The following PBX4 variants were observed in gnomAD, a reference collection of about 807,000 sequenced individuals.
PBX4 encodes PBX homeobox 4, also known as pre-B-cell leukemia transcription factor 4.
A neutral mutation model predicts 35.1 loss-of-function variants in PBX4; 26 were observed. The observed-to-expected ratio is 0.74, with a 90% CI of 0.54 to 1.03. PBX4 has a LOEUF of 1.03. Ranked by LOEUF, PBX4 falls within the 50% of genes least tolerant of loss-of-function variation. PBX4 has a pLI of 0.00. For synonymous variants in PBX4, 199 were observed against 204.2 expected, an observed-to-expected ratio of 0.97 and a Z score of 0.22; for missense variants, 448 against 504.3, an observed-to-expected ratio of 0.89 and a Z score of 1.07.
intron 2 of PBX4, among the ~76,000 whole-genome samples, chr19:19,590,804 G>C (rs1171280707): frequency 1.3e-5 from 2 of 151,914 alleles, no homozygotes; most frequent in Non-Finnish European, 2.9e-5. Context: ...TGGACATCAG[G>C]TTGTTTTCAG....
chr19:19,570,237 A>G lies in PBX4; in HGVS notation c.504T>C (p.Pro168=), dbSNP rs8108088. Reference sequence around the variant, plus strand: ...TGCGCTCAATCTCCTTAGGGGAGACAGGCCTCATCCTGCTCTGCTCCTGGA... The same window carrying G: ...TGCGCTCAATCTCCTTAGGGGAGACGGGCCTCATCCTGCTCTGCTCCTGGA... The part of the protein sequence containing the change: ...NLLQEQSRMR[P]VSPKEIERMV... Residue 168 remains proline (P), a synonymous_variant, in exon 4 of 8, where the codon CCT becomes CCC. Coordinates refer to ENST00000251203, the MANE Select transcript of PBX4 (RefSeq NM_025245.3). 27 of 1,613,874 alleles carry G rather than the reference A, an allele frequency of 1.7e-5. No homozygotes were observed. The highest frequency in any genetic ancestry group is 2.1e-5 in the Non-Finnish European group (25 of 1,179,948).
intron 1 of PBX4, among the ~76,000 whole-genome samples, chr19:19,607,178 C>G (rs2061636601): frequency 1.3e-5 from 2 of 152,030 alleles, no homozygotes; most frequent in African/African-American, 4.8e-5. Flanking sequence ...CTCAGCCTCC[C>G]AAGTAGCTGG....
At chr19:19,592,264 G>C (rs1770915568) in intron 2 of PBX4, among the ~76,000 whole-genome samples, 1 of 152,192 alleles carries the variant, frequency 6.6e-6, no homozygotes, top group African/African-American at 2.4e-5. Flanking sequence ...ACTGTGGCCC[G>C]TATCTGGTTC....
In PBX4 at chr19:19,569,518, C is replaced by A; in HGVS notation, c.699G>T (p.Leu233=). Residue 233 remains leucine, a synonymous_variant, in exon 5 of 8, where the codon CTG becomes CTT. Transcript: ENST00000251203. ...CTTCTTCGCTGGGGTAAGGGTTGTT[C>A]AGATGGGAGTAAAAATACTCATTCA... ...EVLNEYFYSH[L]NNPYPSEEAK... 3 of 1,613,918 alleles carry A rather than the reference C, an allele frequency of 1.9e-6. No homozygotes were observed. The highest frequency in any genetic ancestry group is 2.5e-6 in the Non-Finnish European group (3 of 1,179,894).
chr19:19,565,916 G>GA (rs945157151), intron 5 of PBX4, among the ~76,000 whole-genome samples: 11 of 150,106 alleles, frequency 7.3e-5, no homozygotes, highest in Admixed American at 4.6e-4. Context: ...CCCTGTCTCA[G>GA]AAAAAAAAAT....
At chr19:19,573,326 A>ATACACAC (rs1410786143) in intron 2 of PBX4, among the ~76,000 whole-genome samples, 3 of 81,660 alleles carry the variant, frequency 3.7e-5, no homozygotes, top group Non-Finnish European at 5.0e-5. Context: ...AAAAAAAAAA[A>ATACACAC]ATATACACAC....
intron 5 of PBX4, among the ~76,000 whole-genome samples, chr19:19,565,759 A>G (rs1600392556): frequency 1.3e-5 from 2 of 151,956 alleles, no homozygotes; most frequent in Middle Eastern, 3.4e-3. Context: ...CTCTACTAAT[A>G]ATACAAATAT....
At chr19:19,600,816 C>A (rs75321133) in intron 1 of PBX4, among the ~76,000 whole-genome samples, 24 of 88,698 alleles carry the variant, frequency 2.7e-4, no homozygotes, top group African/African-American at 4.0e-4. Flanking sequence ...GACTCCATCT[C>A]AAAAAAAAAA....
intron 2 of PBX4, among the ~76,000 whole-genome samples, chr19:19,593,354 G>A (rs932718805): frequency 2.0e-5 from 3 of 152,226 alleles, no homozygotes; most frequent in African/African-American, 7.2e-5. Context: ...TGCCCTTCAA[G>A]AGGCGGCCCG....
intron 5 of PBX4, among the ~76,000 whole-genome samples, chr19:19,568,310 C>T: frequency 1.4e-5 from 2 of 142,390 alleles, no homozygotes; most frequent in East Asian, 2.2e-4. Flanking sequence ...AGGGAGCTCA[C>T]ACTCTATCAG....
chr19:19,565,043 A>G lies in PBX4; in HGVS notation c.815T>C (p.Met272Thr), dbSNP rs754108921. The G allele has an allele frequency of 3.1e-6, 5 of 1,614,028 alleles. No homozygotes were observed. In the South Asian group the frequency reaches 5.5e-5, roughly 18 times the overall value. ...GGTAGCCTCTTCTTGAAACTTCCCC[A>G]TGTTCTTTTTATACCGGATTCTTTT... The part of the protein sequence containing the change: ...GNKRIRYKKN[M>T]GKFQEEATIY... Residue 272 changes from methionine to threonine, a missense_variant, in exon 6 of 8, where the codon ATG (methionine) becomes ACG (threonine). Physicochemically the swap from Met to Thr is moderately conservative, Grantham distance 81. Transcript: ENST00000251203.
Position 19,562,990 on chromosome 19 carries a change from G to A in PBX4, c.1032+519C>T, listed in dbSNP as rs1276862288. On this transcript the variant is annotated intron_variant, in intron 7 of 7. Transcript: ENST00000251203. The surrounding 1 kb of genome is among the most constrained non-coding windows in gnomAD (Gnocchi z 4.8). ...GAGTGGTGAGTTGGGAGGGGCACCC[G>A]GCTCTGCAGTGCCCTGGCACACACC... Among the ~76,000 whole-genome samples the A allele has an allele frequency of 6.6e-6, 1 of 152,122 alleles. No individual in the cohort carries two copies. Among genetic ancestry groups the A allele is most frequent in the African/African-American group, 2.4e-5 (1 of 41,414 alleles).
chr19:19,571,129 A>T (rs993577954), intron 2 of PBX4, among the ~76,000 whole-genome samples: 4 of 152,238 alleles, frequency 2.6e-5, no homozygotes, highest in Non-Finnish European at 5.9e-5. Flanking sequence ...CAGCAGGGCC[A>T]GGCAGGCGCC....
In PBX4 at chr19:19,587,028, G is replaced by A. The variant is rs372514133; in HGVS notation, c.193+12264C>T. Among the ~76,000 whole-genome samples, 498 of 152,022 alleles carry A rather than the reference G, an allele frequency of 3.3e-3. 5 individuals are homozygous for A. The highest frequency in any genetic ancestry group is 0.011 in the African/African-American group (477 of 41,486). On this transcript the variant is annotated intron_variant, in intron 2 of 7. Transcript: ENST00000251203. ...TTTTTCTTTTTAATTTTTTTGAGACGCAGTCTCACTCTATTGCCCAGGCTG... is the reference window on the plus strand; with the variant it reads ...TTTTTCTTTTTAATTTTTTTGAGACACAGTCTCACTCTATTGCCCAGGCTG...
rs1393815287 is a variant in PBX4, at chr19:19,563,745, C to T, written c.926-130G>A. The T allele has an allele frequency of 3.9e-6, 3 of 765,798 alleles. No individual in the cohort carries two copies. In the South Asian group the frequency reaches 4.5e-5, roughly 11 times the overall value. The allele number at this position is 765,798 out of a possible 1,614,324, so 47.4% of individuals were successfully genotyped here. On this transcript the variant is annotated intron_variant, in intron 6 of 7. Transcript: ENST00000251203. The surrounding 1 kb of genome is among the most constrained non-coding windows in gnomAD (Gnocchi z 5.1). ...TCCTCAGCATCCGGCCTCTGCTCCT[C>T]AGCCCCCACCCAGGCAGGCCAGCGG...
intron 1 of PBX4, among the ~76,000 whole-genome samples, chr19:19,611,146 T>A (rs1169315359): frequency 6.6e-6 from 1 of 152,164 alleles, no homozygotes; most frequent in East Asian, 1.9e-4. Flanking sequence ...TATAAGTATA[T>A]GTGTTCTGAC....
At position 19,561,833 on chromosome 19, in the gene PBX4, G is replaced by C. The variant is rs2061307821; in HGVS notation, c.*192C>G. On this transcript the variant is annotated 3_prime_UTR_variant, in exon 8 of 8. Transcript: ENST00000251203. The stretch of plus-strand genomic sequence containing the variant: ...AACGAACTGAAGTGGGAGAATGAGT[G>C]GCGTTTCAGGCCATCTCGAGTCGCA... 1 of 483,388 alleles carries C rather than the reference G, an allele frequency of 2.1e-6. No homozygotes were observed. The highest frequency in any genetic ancestry group is 3.9e-5 in the Admixed American group (1 of 25,472). 29.9% of individuals were successfully genotyped at this position (483,388 alleles called of 1,614,324 possible).
chr19:19,595,527 G>T (rs1449504454), intron 2 of PBX4, among the ~76,000 whole-genome samples: 1 of 152,124 alleles, frequency 6.6e-6, no homozygotes, highest in East Asian at 1.9e-4. Context: ...TAACCTTTGT[G>T]TTTCCATTTC....
intron 2 of PBX4, among the ~76,000 whole-genome samples, chr19:19,593,137 C>A (rs961321679): frequency 1.3e-5 from 2 of 152,140 alleles, no homozygotes; most frequent in Admixed American, 1.3e-4. Context: ...TACTGTGTTG[C>A]CCAGGTTGGT....
Sources: allele counts gnomAD v4.1 joint callset (sites outside exome capture counted in the v4.1 genomes callset), GRCh38; gene constraint gnomAD v4.1.1; non-coding constraint Gnocchi (gnomAD v3.1); transcripts MANE v1.5; gene names NCBI Gene and HGNC (gene_info 2026-07-23, HGNC 2026-07-21).